Variants in WHRN observed in about 807,000 individuals in gnomAD.
The protein encoded by WHRN is CASK-interacting protein CIP98.
In WHRN, 41 loss-of-function variants were observed where a neutral mutation model predicts 68.3. That is an observed-to-expected ratio of 0.60 (90% CI 0.47 to 0.78). The LOEUF (loss-of-function observed/expected upper bound fraction) is 0.78, where lower values mean the gene tolerates loss of function less well. Ranked by LOEUF, WHRN falls within the 30% of genes least tolerant of loss-of-function variation. The probability of loss-of-function intolerance (pLI) is 0.00; values close to 1 mark genes in which losing one functional copy is unlikely to be tolerated. For synonymous variants in WHRN, 560 were observed against 561.3 expected (o/e 1.00, Z 0.03); for missense variants, 1,243 against 1,244.7 (o/e 1.00, Z 0.02).
intron 3 of WHRN, among the ~76,000 whole-genome samples, chr9:114,443,473 G>C (rs140046258): frequency 6.6e-6 from 1 of 151,998 alleles, no homozygotes; most frequent in Non-Finnish European, 1.5e-5. Flanking sequence ...CAGCAACCTC[G>C]CACCAACAAG....
intron 7 of WHRN, among the ~76,000 whole-genome samples, chr9:114,412,562 G>A (rs528913666): frequency 6.6e-6 from 1 of 152,198 alleles, no homozygotes; most frequent in Non-Finnish European, 1.5e-5. Context: ...TCTATTCAAG[G>A]CCCGACTCCA....
chr9:114,497,770 G>GT (rs1432425682), intron 1 of WHRN, among the ~76,000 whole-genome samples: 1 of 152,196 alleles, frequency 6.6e-6, no homozygotes, highest in African/African-American at 2.4e-5. Context: ...AAGCCATTGA[G>GT]TATCCAGGCA....
Position 114,497,743 on chromosome 9 carries a change from G to C in WHRN, c.618+6441C>G, listed in dbSNP as rs573579961. On this transcript the variant is annotated intron_variant, in intron 1 of 11. Coordinates refer to ENST00000362057, the MANE Select transcript of WHRN (RefSeq NM_015404.4). ...AAAGGGTCTTGTAGAGTGGCTCTGGGCTTCAGGGGAGGAGAAAAGCCATTG... is the reference window on the plus strand; with the variant it reads ...AAAGGGTCTTGTAGAGTGGCTCTGGCCTTCAGGGGAGGAGAAAAGCCATTG... Among the ~76,000 whole-genome samples the C allele has an allele frequency of 2.0e-5, 3 of 152,274 alleles. No individual in the cohort carries two copies. In the East Asian group the frequency reaches 5.8e-4, roughly 29 times the overall value.
chr9:114,478,840 G>A, intron 1 of WHRN, 69 bp from the exon 2 acceptor site: 1 of 1,485,278 alleles, frequency 6.7e-7, no homozygotes, highest in Non-Finnish European at 9.1e-7. Flanking sequence ...ACCCTCCCCT[G>A]GCCCAGACCT....
At chr9:114,458,980 GA>G (rs1840028203) in intron 3 of WHRN, among the ~76,000 whole-genome samples, 1 of 152,220 alleles carries the variant, frequency 6.6e-6, no homozygotes, top group African/African-American at 2.4e-5. Context: ...CTGAAGCTCA[GA>G]GAGGGCATCA....
At chr9:114,469,325 G>A (rs1840994726) in intron 2 of WHRN, among the ~76,000 whole-genome samples, 1 of 152,224 alleles carries the variant, frequency 6.6e-6, no homozygotes, top group Non-Finnish European at 1.5e-5. Context: ...CGAGCCTGGA[G>A]TCTGTGCTAG....
chr9:114,406,167 C>T (rs1436522079), intron 9 of WHRN, among the ~76,000 whole-genome samples, 188 bp downstream of exon 9: 2 of 152,186 alleles, frequency 1.3e-5, no homozygotes, highest in Non-Finnish European at 1.5e-5. Flanking sequence ...GGCAGCTTGT[C>T]CACAGTCACA....
chr9:114,478,266 C>G (rs1020590769), intron 2 of WHRN: 17 of 662,686 alleles, frequency 2.6e-5, no homozygotes, highest in Non-Finnish European at 4.4e-5. Context: ...CCAGCCTGGG[C>G]GACAGAGTGA....
At chr9:114,500,788 C>T (rs768380930) in intron 1 of WHRN, among the ~76,000 whole-genome samples, 15 of 152,094 alleles carry the variant, frequency 9.9e-5, no homozygotes, top group Non-Finnish European at 1.6e-4. Flanking sequence ...TCATTTGCTC[C>T]GAAACAGCAC....
In WHRN at chr9:114,424,977, G is replaced by T. The variant is rs1323750862; in HGVS notation, c.1203+11C>A. The stretch of plus-strand genomic sequence containing the variant: ...GAGGAAGCAGAGAATACCCCTTAGA[G>T]GATGTCCTACCTTGTTTATTCCTTC... On this transcript the variant is annotated intron_variant, in intron 5 of 11. Coordinates refer to ENST00000362057, the MANE Select transcript of WHRN (RefSeq NM_015404.4). 6.2e-7 allele frequency: 1 copy of T among 1,613,984 alleles called. No homozygotes were observed. The highest frequency in any genetic ancestry group is 2.2e-5 in the East Asian group (1 of 44,878).
chr9:114,452,232 C>T (rs959560213), intron 3 of WHRN, among the ~76,000 whole-genome samples: 18 of 152,236 alleles, frequency 1.2e-4, no homozygotes, highest in Admixed American at 3.3e-4. Flanking sequence ...TTAAACACAT[C>T]CTGAATGGCC....
intron 2 of WHRN, among the ~76,000 whole-genome samples, chr9:114,468,237 T>C (rs1174253042): frequency 3.3e-5 from 5 of 152,194 alleles, no homozygotes; most frequent in Non-Finnish European, 4.4e-5. Context: ...ATGTGGCCAC[T>C]CTCTGGCCCC....
intron 2 of WHRN, among the ~76,000 whole-genome samples, chr9:114,477,384 T>C (rs1445700765): frequency 2.0e-5 from 3 of 152,060 alleles, no homozygotes; most frequent in Admixed American, 6.5e-5. Context: ...AACCAAGGGG[T>C]GCAATGCAAA....
At chr9:114,502,995 A>G (rs1169813749) in intron 1 of WHRN, 2 of 342,904 alleles carry the variant, frequency 5.8e-6, no homozygotes. Context: ...CAGAAGCTAC[A>G]AAGAAGTTTC....
At chr9:114,499,204 G>A (rs144555972) in intron 1 of WHRN, among the ~76,000 whole-genome samples, 10 of 152,226 alleles carry the variant, frequency 6.6e-5, no homozygotes, top group East Asian at 1.9e-4. Context: ...AGGAATGCAC[G>A]GAAAAAGAAT....
chr9:114,433,990 A>C (rs1382659310), intron 3 of WHRN, among the ~76,000 whole-genome samples: 3 of 152,228 alleles, frequency 2.0e-5, no homozygotes, highest in Non-Finnish European at 4.4e-5. Context: ...CCCAGCCATC[A>C]ATCAAAACTG....
chr9:114,434,415 A>G (rs1318172824), intron 3 of WHRN, among the ~76,000 whole-genome samples: 2 of 152,034 alleles, frequency 1.3e-5, no homozygotes, highest in African/African-American at 2.4e-5. Flanking sequence ...TTACAATAAA[A>G]TTAAAAATTC....
chr9:114,466,234 A>G (rs1018841579), intron 3 of WHRN, 33 bp downstream of exon 3: 1 of 1,613,246 alleles, frequency 6.2e-7, no homozygotes, highest in African/African-American at 1.3e-5. Context: ...AGCTCCATGC[A>G]CAGAGTTTTC....
intron 3 of WHRN, among the ~76,000 whole-genome samples, chr9:114,456,011 G>A (rs1399174369): frequency 6.6e-6 from 1 of 151,964 alleles, no homozygotes; most frequent in Non-Finnish European, 1.5e-5. Context: ...TATATTAAAA[G>A]TGAAAGAATG....
Sources: gnomAD v4.1 joint callset for allele counts (sites outside exome capture counted in the v4.1 genomes callset) on GRCh38, gnomAD v4.1.1 for gene constraint, MANE v1.5 for transcripts, NCBI Gene and HGNC (gene_info 2026-07-23, HGNC 2026-07-21) for gene names.